The following CCDC30 variants were observed in gnomAD, a reference collection of about 807,000 sequenced individuals.
CCDC30 encodes the protein coiled-coil domain-containing protein 30.
CCDC30 carries 70 observed loss-of-function variants against 100.2 expected under a neutral mutation model. The observed-to-expected ratio is 0.70, with a 90% confidence interval of 0.58 to 0.85. CCDC30 has a LOEUF of 0.85. CCDC30 is among the 40% of genes least tolerant of loss of function. The probability of loss-of-function intolerance (pLI) is 0.00; values close to 1 mark genes in which losing one functional copy is unlikely to be tolerated. For synonymous variants in CCDC30, 233 were observed against 269.5 expected (o/e 0.86, Z 1.33); for missense variants, 652 against 771.2 (o/e 0.85, Z 1.83).
chr1:42,620,079 C>T (rs1258834171), intron 11 of CCDC30, among the ~76,000 whole-genome samples: 1 of 152,142 alleles, frequency 6.6e-6, no homozygotes, highest in Non-Finnish European at 1.5e-5. Flanking sequence ...TGTTTGCCTA[C>T]TTTTGTTAGT....
intron 11 of CCDC30, among the ~76,000 whole-genome samples, chr1:42,633,222 T>C (rs888267804): frequency 6.6e-6 from 1 of 152,228 alleles, no homozygotes; most frequent in Non-Finnish European, 1.5e-5. Flanking sequence ...AATTCAGTTA[T>C]AAAAAGTCTG....
chr1:42,614,370 G>A (rs1273662575), intron 11 of CCDC30, among the ~76,000 whole-genome samples: 6 of 151,414 alleles, frequency 4.0e-5, no homozygotes, highest in Non-Finnish European at 7.4e-5. Context: ...GTGAGCCACC[G>A]CACCTGGCCA....
intron 6 of CCDC30, among the ~76,000 whole-genome samples, chr1:42,550,231 T>G (rs911178287): frequency 6.6e-6 from 1 of 152,194 alleles, no homozygotes; most frequent in African/African-American, 2.4e-5. Flanking sequence ...ATATTTCCAC[T>G]GTTGCTACCC....
At chr1:42,588,379 G>A (rs1019316370) in intron 9 of CCDC30, among the ~76,000 whole-genome samples, 8 of 152,084 alleles carry the variant, frequency 5.3e-5, no homozygotes, top group African/African-American at 1.9e-4. Context: ...AGGAGAAAAA[G>A]CAAACACAAT....
At chr1:42,473,230 G>A (rs1226590582) in intron 1 of CCDC30, 2 of 1,231,392 alleles carry the variant, frequency 1.6e-6, no homozygotes, top group African/African-American at 3.1e-5. Context: ...AGCCAGCACA[G>A]TGAAGACAGG....
intron 6 of CCDC30, among the ~76,000 whole-genome samples, chr1:42,564,460 G>T (rs142590684): frequency 6.6e-6 from 1 of 151,712 alleles, no homozygotes; most frequent in Non-Finnish European, 1.5e-5. Flanking sequence ...CTACAGGTGC[G>T]CACCATCACA....
chr1:42,649,871 C>T (rs375409769), intron 15 of CCDC30, among the ~76,000 whole-genome samples: 3 of 152,148 alleles, frequency 2.0e-5, no homozygotes, highest in Admixed American at 6.5e-5. Flanking sequence ...ATAAACTACT[C>T]AGGAATAAAT....
intron 10 of CCDC30, chr1:42,590,735 CA>C (rs1315410260): frequency 2.0e-4 from 28 of 138,248 alleles, no homozygotes; most frequent in Non-Finnish European, 2.0e-4. Context: ...GACTCTGTCT[CA>C]AAAAAAAAAA....
At chr1:42,652,554 A>AT (rs1648441970) in intron 15 of CCDC30, among the ~76,000 whole-genome samples, 1 of 152,242 alleles carries the variant, frequency 6.6e-6, no homozygotes, top group South Asian at 2.1e-4. Flanking sequence ...AAATAAAAAT[A>AT]TATGTCCTAC....
chr1:42,491,462 A>G (rs576971962), intron 4 of CCDC30, among the ~76,000 whole-genome samples: 23 of 152,052 alleles, frequency 1.5e-4, no homozygotes, highest in African/African-American at 5.3e-4. Flanking sequence ...TGGGAAGGAG[A>G]ATAAAGGGGC....
At position 42,586,939 on chromosome 1, in the gene CCDC30, A is replaced by G. The variant is rs141573670; in HGVS notation, c.1002-2382A>G. ...GTTAGTCTTTTATTTTTCAAACTCT[A>G]TATCAATTAACTTCTCGCATATTCT... On this transcript the variant is annotated intron_variant, in intron 9 of 16. Transcript: ENST00000668663. 1.2e-3 allele frequency among the ~76,000 whole-genome samples: 182 copies of G among 152,262 alleles called. 2 individuals carry two copies. The highest frequency in any genetic ancestry group is 4.2e-3 in the African/African-American group (175 of 41,544).
At chr1:42,637,331 A>G (rs1647180430) in exon 12 of CCDC30, 1 of 1,594,674 alleles carries the variant, frequency 6.3e-7, no homozygotes, top group African/African-American at 1.4e-5. Flanking sequence ...TAAGAGAATT[A>G]ACCAATTTGA....
chr1:42,653,404 C>A, exon 16 of CCDC30: 10 of 1,605,968 alleles, frequency 6.2e-6, no homozygotes, highest in Non-Finnish European at 8.5e-6. Context: ...ATCCTTGAAT[C>A]CGAAGTAGTG....
intron 1 of CCDC30, among the ~76,000 whole-genome samples, chr1:42,480,247 A>G (rs767765931): frequency 6.6e-6 from 1 of 152,068 alleles, no homozygotes; most frequent in Non-Finnish European, 1.5e-5. Context: ...TTTTTGTTAG[A>G]TTTATTCCTA....
chr1:42,505,624 T>C (rs2992347), intron 6 of CCDC30, among the ~76,000 whole-genome samples: 52,833 of 152,082 alleles, frequency 0.35, 9,357 homozygotes, highest in East Asian at 0.39. Flanking sequence ...ATAGGCCTTT[T>C]GGATTGGATT....
At chr1:42,651,175 T>G (rs1648315328) in intron 15 of CCDC30, among the ~76,000 whole-genome samples, 1 of 152,086 alleles carries the variant, frequency 6.6e-6, no homozygotes. Flanking sequence ...TGGACAACAA[T>G]TTTTCCAATG....
intron 3 of CCDC30, among the ~76,000 whole-genome samples, chr1:42,485,824 G>C (rs1226711226): frequency 6.6e-6 from 1 of 152,112 alleles, no homozygotes; most frequent in Non-Finnish European, 1.5e-5. Context: ...TAAATATATA[G>C]CAAAACATTA....
chr1:42,534,226 G>A (rs1051243458), intron 6 of CCDC30, among the ~76,000 whole-genome samples: 1 of 151,912 alleles, frequency 6.6e-6, no homozygotes, highest in African/African-American at 2.4e-5. Flanking sequence ...AAATGAGGGG[G>A]GGGGTTCATA....
intron 1 of CCDC30, among the ~76,000 whole-genome samples, chr1:42,480,013 C>T (rs545747610): frequency 3.9e-5 from 6 of 152,012 alleles, no homozygotes; most frequent in Non-Finnish European, 8.8e-5. Flanking sequence ...ATCTCTGGTG[C>T]GAGCCGAGTA....
Sources: allele counts gnomAD v4.1 joint callset (sites outside exome capture counted in the v4.1 genomes callset), GRCh38; gene constraint gnomAD v4.1.1; transcripts MANE v1.5; gene names NCBI Gene and HGNC (gene_info 2026-07-23, HGNC 2026-07-21).